The following NDRG4 variants were observed in gnomAD, a reference collection of about 807,000 sequenced individuals.
NDRG4 encodes the protein protein NDRG4.
A neutral mutation model predicts 55.8 loss-of-function variants in NDRG4; 38 were observed. That is an observed-to-expected ratio of 0.68 (90% confidence interval 0.53 to 0.89). The LOEUF (loss-of-function observed/expected upper bound fraction) is 0.89, where lower values mean the gene tolerates loss of function less well. NDRG4 is among the 40% of genes least tolerant of loss of function. The pLI is 0.00. For missense variants in NDRG4, 455 were observed against 468.6 expected (o/e 0.97, Z 0.27); for synonymous variants, 190 against 182.7 (o/e 1.04, Z -0.32).
intron 1 of NDRG4, among the ~76,000 whole-genome samples, chr16:58,470,521 G>GTC (rs2032565730): frequency 6.6e-6 from 1 of 152,206 alleles, no homozygotes; most frequent in Admixed American, 6.5e-5. Context: ...TGTGGCAAAA[G>GTC]AGATTTTGTA....
chr16:58,511,523 G>C lies in NDRG4; in HGVS notation c.1006G>C (p.Glu336Gln). ...GSRPQACTHS[E>Q]SSEGLGQVNH... ...CCGCCCACAGGCCTGCACCCACTCA[G>C]AGAGCAGCGAGGGGCTGGGCCAGGT... is the stretch of plus-strand genomic sequence containing the variant. Residue 336 changes from glutamate (E) to glutamine (Q), a missense_variant, in exon 15 of 15, where the codon GAG becomes CAG. Transcript: ENST00000570248. 6.2e-7 allele frequency: 1 copy of C among 1,613,066 alleles called. No individual in the cohort carries two copies. The highest frequency in any genetic ancestry group is 1.3e-5 in the African/African-American group (1 of 75,048).
At chr16:58,498,600 A>G (rs1458146237), upstream of NDRG4, among the ~76,000 whole-genome samples, 1 of 152,052 alleles carries the variant, frequency 6.6e-6, no homozygotes, top group African/African-American at 2.4e-5. Context: ...TGACATGCCC[A>G]CCTCCTGTAG....
intron 1 of NDRG4, among the ~76,000 whole-genome samples, chr16:58,486,459 C>CA (rs112193649): frequency 0.056 from 7,335 of 131,956 alleles, 462 homozygotes; most frequent in African/African-American, 0.16. Context: ...TGTGCCTGGC[C>CA]AAAAAAAAAA....
chr16:58,483,967 G>A (rs1023715874), intron 1 of NDRG4, among the ~76,000 whole-genome samples: 1 of 152,236 alleles, frequency 6.6e-6, no homozygotes, highest in African/African-American at 2.4e-5. Context: ...CTACTTGGGA[G>A]GCTGAGGTGG....
chr16:58,469,432 G>C (rs2032347155), intron 1 of NDRG4, among the ~76,000 whole-genome samples: 1 of 152,144 alleles, frequency 6.6e-6, no homozygotes, highest in African/African-American at 2.4e-5. Context: ...GATTATAAAG[G>C]GCAAGTTGGC....
intron 4 of NDRG4, 33 bp downstream of exon 4, chr16:58,504,454 C>T (rs1277412623): frequency 6.2e-7 from 1 of 1,612,398 alleles, no homozygotes; most frequent in African/African-American, 1.3e-5. Context: ...CGCTAGGGCC[C>T]AGGGGTGCCT....
chr16:58,513,272 A>C lies in NDRG4; in HGVS notation c.*1696A>C, dbSNP rs943232654. 2 of 151,076 alleles carry C rather than the reference A, an allele frequency of 1.3e-5. No individual in the cohort carries two copies. Among genetic ancestry groups the C allele is most frequent in the Non-Finnish European group, 2.9e-5 (2 of 67,816 alleles). The allele number at this position is 151,076 out of a possible 1,614,324, so 9.4% of individuals were successfully genotyped here. A position where few individuals can be genotyped will look rare whatever the true frequency, so the allele number is the denominator to read the frequency against. On this transcript the variant is annotated 3_prime_UTR_variant, in exon 15 of 15. Transcript: ENST00000570248. ...TCAAGGTGAACTTTTAATGTTTATT[A>C]TTTTCTTCTCCGCACAAAGTAAAGA...
At chr16:58,492,551 TGA>T (rs1173972390) in intron 2 of NDRG4, among the ~76,000 whole-genome samples, 4 of 43,906 alleles carry the variant, frequency 9.1e-5, no homozygotes, top group Non-Finnish European at 2.3e-4. Flanking sequence ...TGTGTGTGTG[TGA>T]GAGACAGACA....
In NDRG4 at chr16:58,492,360, G is replaced by A. The variant is rs78678632; in HGVS notation, c.73-2604G>A. ...ACCCTGTTCCCACGGGACTTCAGGG[G>A]CCTCTGCATGGGCTTCTATTCTTCC... On this transcript the variant is annotated intron_variant, in intron 2 of 15. Transcript: ENST00000258187. Among the ~76,000 whole-genome samples, 744 of 152,250 alleles carry A rather than the reference G, an allele frequency of 4.9e-3. 8 individuals carry two copies. The highest frequency in any genetic ancestry group is 0.017 in the African/African-American group (707 of 41,532).
intron 1 of NDRG4, among the ~76,000 whole-genome samples, chr16:58,477,656 G>C (rs1484566999): frequency 6.7e-6 from 1 of 148,886 alleles, no homozygotes; most frequent in Non-Finnish European, 1.5e-5. Context: ...TATGGAAATA[G>C]AAAATTATCT....
chr16:58,510,348 G>A (rs1364108886), intron 13 of NDRG4, among the ~76,000 whole-genome samples: 3 of 152,224 alleles, frequency 2.0e-5, no homozygotes, highest in African/African-American at 7.2e-5. Context: ...GGCACAGAGC[G>A]GGCAGGCCTC....
At chr16:58,511,111 T>C in intron 14 of NDRG4, 1 of 482,274 alleles carries the variant, frequency 2.1e-6, no homozygotes, top group Non-Finnish European at 3.7e-6. Flanking sequence ...CTCCGCGTCC[T>C]CCTTTACAGA....
chr16:58,486,938 C>T (rs577040192), intron 1 of NDRG4, among the ~76,000 whole-genome samples: 1 of 152,120 alleles, frequency 6.6e-6, no homozygotes, highest in Non-Finnish European at 1.5e-5. Context: ...ACCAGGGCCT[C>T]TACTCCCACC....
chr16:58,503,777 A>G, intron 1 of NDRG4, 21 bp from the exon 2 acceptor site: 2 of 1,613,682 alleles, frequency 1.2e-6, no homozygotes, highest in Non-Finnish European at 8.5e-7. Context: ...CAGAGTGTCC[A>G]GCACGGTCTC....
chr16:58,501,077 G>A (rs1482359286), intron 1 of NDRG4: 10 of 1,235,606 alleles, frequency 8.1e-6, no homozygotes, highest in South Asian at 3.9e-5. Flanking sequence ...CGGGGCATCA[G>A]GTACCCCGGC....
chr16:58,476,185 T>G lies in NDRG4; in HGVS notation c.-23-11571T>G, dbSNP rs116632259. On this transcript the variant is annotated intron_variant, in intron 1 of 15. Coordinates refer to the NDRG4 transcript ENST00000258187. ...AACATCACGTCATCATAAACAAATT[T>G]TATTCCCATCATCCACCTACTCATC... 8.4e-3 allele frequency among the ~76,000 whole-genome samples: 1,279 copies of G among 152,342 alleles called. 21 individuals are homozygous for G. The highest frequency in any genetic ancestry group is 0.031 in the Middle Eastern group (9 of 294).
intron 1 of NDRG4, chr16:58,501,910 G>A (rs1391549021): frequency 9.0e-6 from 4 of 444,696 alleles, no homozygotes; most frequent in Non-Finnish European, 1.4e-5. Flanking sequence ...GGCTCTCGAC[G>A]TCTGACCCCA....
At chr16:58,489,532 AG>A (rs1425842576) in intron 2 of NDRG4, among the ~76,000 whole-genome samples, 1 of 151,914 alleles carries the variant, frequency 6.6e-6, no homozygotes, top group Non-Finnish European at 1.5e-5. Flanking sequence ...CTCCTCAGAG[AG>A]TCCCTCTCTA....
intron 1 of NDRG4, among the ~76,000 whole-genome samples, chr16:58,482,188 G>A (rs2034479617): frequency 6.6e-6 from 1 of 152,078 alleles, no homozygotes; most frequent in African/African-American, 2.4e-5. Flanking sequence ...CATTTCATTT[G>A]CCTGTGGCAT....
Sources: gnomAD v4.1 joint callset for allele counts (sites outside exome capture counted in the v4.1 genomes callset) on GRCh38, gnomAD v4.1.1 for gene constraint, MANE v1.5 for transcripts, NCBI Gene and HGNC (gene_info 2026-07-23, HGNC 2026-07-21) for gene names.